Variants in C11orf65 observed in about 807,000 individuals in gnomAD.
C11orf65 encodes the protein protein MFI.
C11orf65 carries 38 observed loss-of-function variants against 35.3 expected under a neutral mutation model. That is an observed-to-expected ratio of 1.08 (90% CI 0.83 to 1.41). The LOEUF (loss-of-function observed/expected upper bound fraction) is 1.41, where lower values mean the gene tolerates loss of function less well. Ranked by LOEUF, C11orf65 falls within the 40% of genes most tolerant of loss-of-function variation. C11orf65 has a pLI of 0.00. For synonymous variants in C11orf65, 105 were observed against 114.4 expected, an observed-to-expected ratio of 0.92 and a Z score of 0.53; for missense variants, 370 against 367.1, an observed-to-expected ratio of 1.01 and a Z score of -0.06.
At position 108,393,215 on chromosome 11, in the gene C11orf65, A is replaced by G. The variant is rs17855010; in HGVS notation, c.724T>C (p.Phe242Leu). The change falls in exon 7 of 9, where the codon TTT becomes CTT. Residue 242 changes from phenylalanine to leucine, a missense_variant. Coordinates refer to ENST00000393084, the MANE Select transcript of C11orf65 (RefSeq NM_152587.5). ...EVLNWTNTLN[F>L]DEYIASWKEI... ...ATAGCAACATGTACTTACTCATCAA[A>G]GTTCAGTGTATTTGTCCAGTTCAGC... The G allele has an allele frequency of 6.2e-7, 1 of 1,613,722 alleles. No individual in the cohort carries two copies. The highest frequency in any genetic ancestry group is 8.5e-7 in the Non-Finnish European group (1 of 1,179,780).
At chr11:108,381,353 T>A (rs1016364231), downstream of C11orf65, among the ~76,000 whole-genome samples, 2 of 152,068 alleles carry the variant, frequency 1.3e-5, no homozygotes, top group African/African-American at 4.8e-5. Context: ...GAGGGAATGG[T>A]TCCCCTGGAG....
chr11:108,317,026 C>G (rs1038539689), intron 6 of C11orf65, among the ~76,000 whole-genome samples: 1 of 151,578 alleles, frequency 6.6e-6, no homozygotes, highest in African/African-American at 2.4e-5. Context: ...CTTGACCTCC[C>G]TGGCTCAAGG....
rs1377737194 is a variant in C11orf65, at chr11:108,347,488, T to G, written c.227-12196A>C. The G allele has an allele frequency of 4.9e-6, 4 of 814,410 alleles. No individual in the cohort carries two copies. In the East Asian group the frequency reaches 8.1e-5, roughly 17 times the overall value. 50.4% of individuals were successfully genotyped at this position (814,410 alleles called of 1,614,324 possible). ...ATAAATTGAAGCAGTAAATATTGGG[T>G]TTTTTTGTTTTCAGCATAAACAGTT... is the stretch of plus-strand genomic sequence containing the variant. On this transcript the variant is annotated intron_variant, in intron 2 of 3. Coordinates refer to the C11orf65 transcript ENST00000524755.
downstream of C11orf65, chr11:108,329,274 A>G (rs2136426248): frequency 1.9e-6 from 3 of 1,547,092 alleles, no homozygotes; most frequent in Non-Finnish European, 2.7e-6. Flanking sequence ...TTTTATGTTC[A>G]CCAGTTAACT....
Position 108,382,965 on chromosome 11 carries a change from A to G in C11orf65, c.*56T>C, listed in dbSNP as rs1357102144. 6 of 1,601,076 alleles carry G rather than the reference A, an allele frequency of 3.7e-6. No homozygotes were observed. Among genetic ancestry groups the G allele is most frequent in the South Asian group, 3.4e-5 (3 of 88,300 alleles). On this transcript the variant is annotated 3_prime_UTR_variant, in exon 9 of 9. Transcript: ENST00000393084. ...AGTCAGAATACACTATCTCTTGGCT[A>G]TAACTGATGGATGGAAGGCTCAAAG...
chr11:108,357,887 C>T (rs924778313), intron 2 of C11orf65, among the ~76,000 whole-genome samples: 9 of 151,214 alleles, frequency 6.0e-5, no homozygotes, highest in African/African-American at 2.2e-4. Context: ...ACGCAGAGCA[C>T]CTCTCCTCCT....
intron 2 of C11orf65, among the ~76,000 whole-genome samples, chr11:108,377,729 A>T (rs2091766482): frequency 1.3e-5 from 2 of 151,532 alleles, no homozygotes; most frequent in South Asian, 4.2e-4. Context: ...TATCTAGAAA[A>T]CCCCACTGTC....
chr11:108,461,729 G>A (rs1459215582), intron 1 of C11orf65, among the ~76,000 whole-genome samples, 161 bp from the exon 2 acceptor site: 1 of 152,140 alleles, frequency 6.6e-6, no homozygotes, highest in African/African-American at 2.4e-5. Context: ...CTGGGCTCAA[G>A]TGATCCTCTT....
chr11:108,460,686 T>C (rs2093462504), intron 2 of C11orf65, among the ~76,000 whole-genome samples: 1 of 152,148 alleles, frequency 6.6e-6, no homozygotes, highest in African/African-American at 2.4e-5. Flanking sequence ...GTGCAGCTAG[T>C]GAAATAATTG....
chr11:108,415,825 C>A (rs1345626279), intron 3 of C11orf65, among the ~76,000 whole-genome samples: 1 of 152,066 alleles, frequency 6.6e-6, no homozygotes, highest in Non-Finnish European at 1.5e-5. Flanking sequence ...GTTAACTATT[C>A]TCTGACAAAG....
Position 108,353,857 on chromosome 11 carries a change from G to T in C11orf65, c.227-18565C>A, listed in dbSNP as rs781528244. 3 of 1,613,552 alleles carry T rather than the reference G, an allele frequency of 1.9e-6. No individual in the cohort carries two copies. Among genetic ancestry groups the T allele is most frequent in the South Asian group, 1.1e-5 (1 of 91,070 alleles). On this transcript the variant is annotated intron_variant, in intron 2 of 3. Coordinates refer to the C11orf65 transcript ENST00000524755. Reference sequence around the variant, plus strand: ...ATATTGTGGATGGCATGGGCATTACGGGTGTTGAAGGTGTCTTCAGAAGGT... The same window carrying T: ...ATATTGTGGATGGCATGGGCATTACTGGTGTTGAAGGTGTCTTCAGAAGGT...
At chr11:108,466,225 A>G (rs141674161) in intron 1 of C11orf65, among the ~76,000 whole-genome samples, 2 of 152,264 alleles carry the variant, frequency 1.3e-5, no homozygotes, top group Non-Finnish European at 2.9e-5. Flanking sequence ...GGTTATTATG[A>G]TGCTCCAGAT....
intron 2 of C11orf65, among the ~76,000 whole-genome samples, chr11:108,450,322 C>T (rs1388844248): frequency 6.6e-6 from 1 of 151,742 alleles, no homozygotes; most frequent in Non-Finnish European, 1.5e-5. Context: ...GACACATGCA[C>T]ACGTATGTTT....
At chr11:108,361,869 A>G (rs1237135761) in intron 2 of C11orf65, among the ~76,000 whole-genome samples, 58 of 151,492 alleles carry the variant, frequency 3.8e-4, no homozygotes, top group Non-Finnish European at 7.5e-4. Context: ...AGGCATTACC[A>G]TTCAGGACAT....
At position 108,354,070 on chromosome 11, in the gene C11orf65, A is replaced by AACACACACAC. The variant is rs71047689; in HGVS notation, c.227-18788_227-18779dup. 3.3e-3 allele frequency among the ~76,000 whole-genome samples: 376 copies of AACACACACAC among 114,938 alleles called. 4 individuals are homozygous for AACACACACAC. Among genetic ancestry groups the AACACACACAC allele is most frequent in the African/African-American group, 9.6e-3 (326 of 33,840 alleles). The allele number at this position is 114,938 out of a possible 152,430, so 75.4% of individuals were successfully genotyped here. ...GTATCTAAAAAAATACACACACACA[A>AACACACACAC]ACACACACACACACACACACACACA... On this transcript the variant is annotated intron_variant, in intron 2 of 3. Transcript: ENST00000524755.
At chr11:108,359,947 A>T (rs1290635569) in intron 2 of C11orf65, among the ~76,000 whole-genome samples, 1 of 152,046 alleles carries the variant, frequency 6.6e-6, no homozygotes, top group Non-Finnish European at 1.5e-5. Context: ...AACTAAAATC[A>T]GAGCAGAACT....
intron 3 of C11orf65, among the ~76,000 whole-genome samples, chr11:108,426,211 T>A (rs2092900407): frequency 6.6e-6 from 1 of 152,142 alleles, no homozygotes. Flanking sequence ...TCAAATTGTC[T>A]CTATTTGCAG....
rs564880038 is a variant in C11orf65 at position 108,442,586 on chromosome 11, TTA to T, written c.82-10750_82-10749del. On this transcript the variant is annotated intron_variant, in intron 2 of 8. Coordinates refer to ENST00000393084, the MANE Select transcript of C11orf65 (RefSeq NM_152587.5). Reference sequence around the variant, plus strand: ...AGGGCAGCCAGAGAGAAAGGTCGGGTTACCCACAAAGGGAAACCCATCAGAAT... The same window carrying T: ...AGGGCAGCCAGAGAGAAAGGTCGGGTCCCACAAAGGGAAACCCATCAGAAT... 2.0e-3 allele frequency among the ~76,000 whole-genome samples: 299 copies of T among 152,058 alleles called. 2 individuals carry two copies. The highest frequency in any genetic ancestry group is 2.7e-3 in the Non-Finnish European group (181 of 67,984).
In C11orf65 at chr11:108,335,002, A is replaced by C. The variant is rs730881320; in HGVS notation, c.299+218T>G. 6.2e-7 allele frequency: 1 copy of C among 1,613,696 alleles called. No individual in the cohort carries two copies. Among genetic ancestry groups the C allele is most frequent in the Non-Finnish European group, 8.5e-7 (1 of 1,179,644 alleles). On this transcript the variant is annotated intron_variant, in intron 3 of 3. Transcript: ENST00000524755. Reference sequence around the variant, plus strand: ...CACAGGAGAATATGGAAATCTGGTGACTATACAGTCATTTAAAGCAGAATT... The same window carrying C: ...CACAGGAGAATATGGAAATCTGGTGCCTATACAGTCATTTAAAGCAGAATT...
Sources: allele counts gnomAD v4.1 joint callset (sites outside exome capture counted in the v4.1 genomes callset), GRCh38; gene constraint gnomAD v4.1.1; transcripts MANE v1.5; gene names NCBI Gene and HGNC (gene_info 2026-07-23, HGNC 2026-07-21).